TEKT1: variants seen among roughly 807,000 people sequenced by gnomAD.
The protein encoded by TEKT1 is tektin 1.
A neutral mutation model predicts 34.8 loss-of-function variants in TEKT1; 32 were observed. That is an observed-to-expected ratio of 0.92 (90% CI 0.69 to 1.23). The LOEUF (loss-of-function observed/expected upper bound fraction) is 1.23. TEKT1 is among the 50% of genes most tolerant of loss of function. The probability of loss-of-function intolerance (pLI) is 0.00; values close to 1 mark genes in which losing one functional copy is unlikely to be tolerated. For synonymous variants in TEKT1, 207 were observed against 199.8 expected, an observed-to-expected ratio of 1.04 and a Z score of -0.30; for missense variants, 492 against 518.5, an observed-to-expected ratio of 0.95 and a Z score of 0.50.
intron 3 of TEKT1, among the ~76,000 whole-genome samples, chr17:6,817,071 AT>A (rs1194391135): frequency 1.3e-5 from 2 of 152,200 alleles, no homozygotes; most frequent in African/African-American, 4.8e-5. Flanking sequence ...TAGACAAACA[AT>A]TGAACATAGA....
At position 6,813,094 on chromosome 17, in the gene TEKT1, G is replaced by A. The variant is rs771222749; in HGVS notation, c.630-41C>T. The stretch of plus-strand genomic sequence containing the variant: ...CGCTTTCATTCACAGCATATTTGGG[G>A]TGGGGAAGGGGGTTGGGAGAGAGGG... On this transcript the variant is annotated intron_variant, in intron 5 of 7. Transcript: ENST00000338694. 2.5e-6 allele frequency: 4 copies of A among 1,569,036 alleles called. No individual in the cohort carries two copies. The Admixed American group carries it at 5.1e-5, about 20-fold the overall frequency.
chr17:6,810,022 A>T (rs1976905668), intron 6 of TEKT1, among the ~76,000 whole-genome samples: 1 of 152,212 alleles, frequency 6.6e-6, no homozygotes, highest in Non-Finnish European at 1.5e-5. Flanking sequence ...GAGATTGCTG[A>T]ATCCTAAGAG....
chr17:6,826,952 C>G (rs1904424592), intron 2 of TEKT1, among the ~76,000 whole-genome samples: 1 of 152,124 alleles, frequency 6.6e-6, no homozygotes, highest in Admixed American at 6.5e-5. Context: ...GCCTTGGCCT[C>G]CCAAAGTGCT....
intron 2 of TEKT1, among the ~76,000 whole-genome samples, chr17:6,829,820 A>G (rs965376146): frequency 6.6e-6 from 1 of 152,112 alleles, no homozygotes; most frequent in African/African-American, 2.4e-5. Flanking sequence ...CCATGGATAC[A>G]AAGGGCTGAC....
intron 6 of TEKT1, among the ~76,000 whole-genome samples, chr17:6,802,952 A>C (rs960510792): frequency 1.3e-5 from 2 of 152,172 alleles, no homozygotes; most frequent in Non-Finnish European, 2.9e-5. Context: ...AGCATTATTT[A>C]TAATCCTTTG....
chr17:6,830,200 C>T lies in TEKT1; in HGVS notation c.177G>A (p.Val59=), dbSNP rs2151593822. 1 of 1,609,454 alleles carries T rather than the reference C, an allele frequency of 6.2e-7. No homozygotes were observed. The highest frequency in any genetic ancestry group is 1.3e-5 in the African/African-American group (1 of 74,630). ...ATGTTGTCTTACCTAGTTTCTTGTT[C>T]ACATCGCTTTGAGATTTTCTTGTGG... The part of the protein sequence containing the change: ...EKTTRKSQSD[V]NKKLEQRLEE... Residue 59 remains valine, a synonymous_variant, in exon 2 of 8, where the codon GTG becomes GTA. Coordinates refer to ENST00000338694, the MANE Select transcript of TEKT1 (RefSeq NM_053285.2).
chr17:6,829,768 GT>G lies in TEKT1; in HGVS notation c.190+418del, dbSNP rs149597855. On this transcript the variant is annotated intron_variant, in intron 2 of 7. Coordinates refer to ENST00000338694, the MANE Select transcript of TEKT1 (RefSeq NM_053285.2). ...TCTTTAATTGTTGTAATCTTTTATT[GT>G]TTTTTTTTCCTAAGTATTTTGGACC... Among the ~76,000 whole-genome samples the G allele has an allele frequency of 2.1e-3, 316 of 150,538 alleles. 4 individuals are homozygous for G. The highest frequency in any genetic ancestry group is 7.3e-3 in the African/African-American group (299 of 41,080).
chr17:6,830,298 C>T lies in TEKT1; in HGVS notation c.79G>A (p.Ala27Thr). Residue 27 changes from alanine (A) to threonine (T), a missense_variant, in exon 2 of 8, where the codon GCA (alanine) becomes ACA (threonine). Physicochemically the swap from Ala to Thr is moderately conservative, Grantham distance 58 (BLOSUM62 0). Coordinates refer to ENST00000338694, the MANE Select transcript of TEKT1 (RefSeq NM_053285.2). ...TCTGATCGGGACCTTTGAGCGTCTGCTCTGTGGTACTGGTTCTTGTTAGCA... is the reference window on the plus strand; with the variant it reads ...TCTGATCGGGACCTTTGAGCGTCTGTTCTGTGGTACTGGTTCTTGTTAGCA... Reference protein sequence around the residue: ...HIANKNQYHRADAQRSRSERL... With the variant: ...HIANKNQYHRTDAQRSRSERL... The T allele has an allele frequency of 1.9e-6, 3 of 1,613,130 alleles. No homozygotes were observed. The highest frequency in any genetic ancestry group is 2.5e-6 in the Non-Finnish European group (3 of 1,179,898).
At chr17:6,827,996 G>A (rs923477288) in intron 2 of TEKT1, among the ~76,000 whole-genome samples, 1 of 150,274 alleles carries the variant, frequency 6.7e-6, no homozygotes. Flanking sequence ...CCAGGCTGGA[G>A]TGCAGTGGCA....
At position 6,813,946 on chromosome 17, in the gene TEKT1, T is replaced by TTCTCTCTCTCTCTCTCTCTCTC. The variant is rs71157224; in HGVS notation, c.630-915_630-894dup. Among the ~76,000 whole-genome samples, 165 of 145,944 alleles carry TTCTCTCTCTCTCTCTCTCTCTC rather than the reference T, an allele frequency of 1.1e-3. 2 individuals carry two copies. Among genetic ancestry groups the TTCTCTCTCTCTCTCTCTCTCTC allele is most frequent in the Middle Eastern group, 3.5e-3 (1 of 286 alleles). Reference sequence around the variant, plus strand: ...AAAAGACTGTGGCTTCTGTCATCCGTTCTCTCTCTCTCTCTCTCTCTCTCT... The same window carrying TTCTCTCTCTCTCTCTCTCTCTC: ...AAAAGACTGTGGCTTCTGTCATCCGTTCTCTCTCTCTCTCTCTCTCTCTCTCTCTCTCTCTCTCTCTCTCTCT... On this transcript the variant is annotated intron_variant, in intron 5 of 7. Transcript: ENST00000338694.
intron 6 of TEKT1, among the ~76,000 whole-genome samples, chr17:6,807,795 C>T (rs1034318319): frequency 2.6e-5 from 4 of 152,150 alleles, no homozygotes; most frequent in Admixed American, 6.5e-5. Context: ...TATTGGTGAA[C>T]GGCAAATGTT....
At chr17:6,808,459 G>A (rs550823209) in intron 6 of TEKT1, among the ~76,000 whole-genome samples, 27 of 152,208 alleles carry the variant, frequency 1.8e-4, no homozygotes, top group Middle Eastern at 3.4e-3. Flanking sequence ...TGCTTGGTGC[G>A]CTGCACCCAC....
intron 2 of TEKT1, among the ~76,000 whole-genome samples, chr17:6,826,277 G>C (rs938428032): frequency 1.3e-5 from 2 of 152,036 alleles, no homozygotes; most frequent in African/African-American, 4.8e-5. Context: ...GTCAAGATTT[G>C]TCCATTTGTT....
At chr17:6,819,504 T>C in intron 2 of TEKT1, 146 bp from the exon 3 acceptor site, 1 of 756,380 alleles carries the variant, frequency 1.3e-6, no homozygotes, top group Non-Finnish European at 2.0e-6. Context: ...CTTTTCATCT[T>C]TTTAAATGTT....
rs1051086121 is a variant in TEKT1 at position 6,827,793 on chromosome 17, A to G, written c.190+2394T>C. On this transcript the variant is annotated intron_variant, in intron 2 of 7. Transcript: ENST00000338694. ...TGAAAAAATGATTTTTCAGTGCAAAACACTTGCACATCTTTTGCTAGATTT... is the reference window on the plus strand; with the variant it reads ...TGAAAAAATGATTTTTCAGTGCAAAGCACTTGCACATCTTTTGCTAGATTT... Among the ~76,000 whole-genome samples the G allele has an allele frequency of 2.0e-5, 3 of 152,108 alleles. No homozygotes were observed. In the East Asian group the frequency reaches 5.8e-4, roughly 29 times the overall value.
intron 2 of TEKT1, among the ~76,000 whole-genome samples, chr17:6,823,756 T>A (rs1346301932): frequency 6.6e-6 from 1 of 151,934 alleles, no homozygotes; most frequent in South Asian, 2.1e-4. Flanking sequence ...TCTCAGTCTC[T>A]TAGACATTTA....
chr17:6,804,908 T>C (rs912958905), intron 6 of TEKT1, among the ~76,000 whole-genome samples: 15 of 152,342 alleles, frequency 9.8e-5, no homozygotes, highest in African/African-American at 3.6e-4. Context: ...TCAGGGATAT[T>C]GGTCTAAAAT....
At chr17:6,819,455 C>T (rs1977057011) in intron 2 of TEKT1, 97 bp from the exon 3 acceptor site, 10 of 1,293,236 alleles carry the variant, frequency 7.7e-6, no homozygotes, top group Non-Finnish European at 9.4e-6. Context: ...CCACCTGTGA[C>T]ATGCTCTTTT....
In TEKT1 at chr17:6,811,842, G is replaced by A. The variant is rs535681925; in HGVS notation, c.852+989C>T. ...TAGCTTGAAATCCACCAATGTGGGA[G>A]TATTTGTACTACAGACATCGACAAA... On this transcript the variant is annotated intron_variant, in intron 6 of 7. Coordinates refer to ENST00000338694, the MANE Select transcript of TEKT1 (RefSeq NM_053285.2). The surrounding 1 kb of genome is among the most constrained non-coding windows in gnomAD (Gnocchi z 4.4). 3.9e-5 allele frequency among the ~76,000 whole-genome samples: 6 copies of A among 152,280 alleles called. No individual in the cohort carries two copies. In the South Asian group the frequency reaches 1.2e-3, roughly 32 times the overall value.
Sources: gnomAD v4.1 joint callset for allele counts (sites outside exome capture counted in the v4.1 genomes callset) on GRCh38, gnomAD v4.1.1 for gene constraint, Gnocchi (gnomAD v3.1) non-coding constraint, MANE v1.5 for transcripts, NCBI Gene and HGNC (gene_info 2026-07-23, HGNC 2026-07-21) for gene names.